Variants in DNAH8 observed in about 807,000 individuals in gnomAD.
The protein encoded by DNAH8 is axonemal beta dynein heavy chain 8.
Under a neutral mutation model 562.1 loss-of-function variants are expected in DNAH8, and 382 were observed. That is an observed-to-expected ratio of 0.68 (90% CI 0.63 to 0.74). The LOEUF is 0.74. DNAH8 is among the 30% of genes least tolerant of loss of function. DNAH8 has a pLI of 0.00. For synonymous variants in DNAH8, 1,881 were observed against 1,919.4 expected (o/e 0.98, Z 0.52); for missense variants, 5,203 against 5,620.4 (o/e 0.93, Z 2.37).
chr6:38,889,982 T>C (rs1254690480), intron 57 of DNAH8, among the ~76,000 whole-genome samples: 1 of 152,132 alleles, frequency 6.6e-6, no homozygotes, highest in African/African-American at 2.4e-5. Flanking sequence ...CTTTCTTCGG[T>C]CTAAATCAAA....
At chr6:38,779,157 A>C (rs1008669833) in intron 14 of DNAH8, among the ~76,000 whole-genome samples, 2 of 152,054 alleles carry the variant, frequency 1.3e-5, no homozygotes, top group African/African-American at 4.8e-5. Context: ...AGGGCTCAAG[A>C]CCTGTGTCAG....
intron 8 of DNAH8, among the ~76,000 whole-genome samples, chr6:38,745,313 T>A (rs1764837649): frequency 6.6e-6 from 1 of 152,210 alleles, no homozygotes; most frequent in African/African-American, 2.4e-5. Flanking sequence ...TTTTCTCCCT[T>A]CATCCATAAA....
At chr6:38,722,577 G>GT (rs1491079737) in intron 1 of DNAH8, among the ~76,000 whole-genome samples, 199 bp from the exon 2 acceptor site, 19,093 of 150,856 alleles carry the variant, frequency 0.13, 1,288 homozygotes, top group Admixed American at 0.22. Context: ...CTCCCAGGTG[G>GT]GTGGGGGTGT....
chr6:39,005,887 A>G (rs1456555592), intron 88 of DNAH8, among the ~76,000 whole-genome samples: 1 of 152,106 alleles, frequency 6.6e-6, no homozygotes, highest in Non-Finnish European at 1.5e-5. Context: ...TTGGTTTTCT[A>G]CGGTTTTACT....
At position 38,928,146 on chromosome 6, in the gene DNAH8, T is replaced by G. The variant is rs373590899; in HGVS notation, c.11119-1365T>G. On this transcript the variant is annotated intron_variant, in intron 74 of 92. Coordinates refer to ENST00000327475, the MANE Select transcript of DNAH8 (RefSeq NM_001206927.2). Reference sequence around the variant, plus strand: ...CCTATCAGGAATTCACTGGTCACCTTGTAAAGACCCAATACCAGTCTTTGC... The same window carrying G: ...CCTATCAGGAATTCACTGGTCACCTGGTAAAGACCCAATACCAGTCTTTGC... 6 of 152,362 alleles carry G rather than the reference T, an allele frequency of 3.9e-5. No homozygotes were observed. In the South Asian group the frequency reaches 1.0e-3, roughly 26 times the overall value. The allele number at this position is 152,362 out of a possible 1,614,324, so 9.4% of individuals were successfully genotyped here. A position where few individuals can be genotyped will look rare whatever the true frequency, so the allele number is the denominator to read the frequency against.
At chr6:38,993,364 A>T (rs1356391526) in intron 88 of DNAH8, among the ~76,000 whole-genome samples, 1 of 150,942 alleles carries the variant, frequency 6.6e-6, no homozygotes, top group East Asian at 1.9e-4. Flanking sequence ...TGGATTAATG[A>T]TTTTTTTTTC....
intron 88 of DNAH8, among the ~76,000 whole-genome samples, chr6:39,004,367 T>A (rs1198072936): frequency 6.6e-6 from 1 of 152,228 alleles, no homozygotes; most frequent in African/African-American, 2.4e-5. Context: ...TATACTATAA[T>A]GCTTATTTAG....
chr6:38,723,695 C>T (rs2127565883), intron 3 of DNAH8, among the ~76,000 whole-genome samples: 1 of 151,962 alleles, frequency 6.6e-6, no homozygotes, highest in Admixed American at 6.6e-5. Flanking sequence ...GGCAACATAG[C>T]AAAACTCCTG....
At chr6:38,898,118 G>A (rs1034110624) in intron 60 of DNAH8, 140 bp from the exon 61 acceptor site, 40 of 751,022 alleles carry the variant, frequency 5.3e-5, no homozygotes, top group Admixed American at 1.9e-4. Context: ...AGACTAATAC[G>A]TGAGAAACCT....
At position 38,781,276 on chromosome 6, in the gene DNAH8, A is replaced by AC. The variant is rs747799823; in HGVS notation, c.2168dup (p.Leu724SerfsTer24). On this transcript the variant is annotated frameshift_variant, in exon 16 of 93. Coordinates refer to ENST00000327475, the MANE Select transcript of DNAH8 (RefSeq NM_001206927.2). LOFTEE classifies it high-confidence loss of function. The stretch of plus-strand genomic sequence containing the variant: ...CAGCTTTATCATTCTCAGAAAGATG[A>AC]CCCCCCTCTTGCTCGCAACATGCCC... 3.1e-6 allele frequency: 5 copies of AC among 1,613,472 alleles called. No individual in the cohort carries two copies. In the South Asian group the frequency reaches 3.3e-5, roughly 11 times the overall value.
At chr6:38,860,706 A>G (rs899123290) in intron 43 of DNAH8, 77 bp downstream of exon 43, 3 of 1,120,528 alleles carry the variant, frequency 2.7e-6, no homozygotes, top group African/African-American at 1.6e-5. Context: ...AATTTGAAAT[A>G]TTAACAAAAG....
chr6:38,863,300 C>T (rs892004916), intron 44 of DNAH8, among the ~76,000 whole-genome samples: 3 of 147,890 alleles, frequency 2.0e-5, no homozygotes, highest in South Asian at 2.2e-4. Flanking sequence ...CATGGTGGTG[C>T]GTGCCTGTAG....
In DNAH8 at chr6:38,770,573, A is replaced by C; in HGVS notation, c.1764+14A>C. The C allele has an allele frequency of 6.3e-7, 1 of 1,581,320 alleles. No homozygotes were observed. The highest frequency in any genetic ancestry group is 8.6e-7 in the Non-Finnish European group (1 of 1,168,226). On this transcript the variant is annotated intron_variant, in intron 12 of 92. Coordinates refer to ENST00000327475, the MANE Select transcript of DNAH8 (RefSeq NM_001206927.2). Reference sequence around the variant, plus strand: ...AGACTGGAGAAGGTAAGCATTATGCAGTCATCGTACCCCACTCCACACCAC... The same window carrying C: ...AGACTGGAGAAGGTAAGCATTATGCCGTCATCGTACCCCACTCCACACCAC...
chr6:38,717,797 TA>T (rs1386396764), intron 1 of DNAH8, among the ~76,000 whole-genome samples: 1 of 152,176 alleles, frequency 6.6e-6, no homozygotes, highest in South Asian at 2.1e-4. Context: ...AAATCTAAAC[TA>T]TTACTGATTA....
intron 16 of DNAH8, 76 bp downstream of exon 16, chr6:38,781,449 TTGTG>T: frequency 6.6e-7 from 1 of 1,517,868 alleles, no homozygotes; most frequent in Non-Finnish European, 8.9e-7. Flanking sequence ...CCTATAATAT[TTGTG>T]TGCATTAAAG....
chr6:39,020,574 G>A (rs1766849982), intron 91 of DNAH8, among the ~76,000 whole-genome samples: 1 of 152,078 alleles, frequency 6.6e-6, no homozygotes, highest in African/African-American at 2.4e-5. Context: ...GTGCAGGTTT[G>A]TTACATAAGT....
At chr6:38,859,804 G>A (rs1776468604) in intron 42 of DNAH8, among the ~76,000 whole-genome samples, 1 of 152,144 alleles carries the variant, frequency 6.6e-6, no homozygotes, top group South Asian at 2.1e-4. Flanking sequence ...CTATAGTGCT[G>A]GTGCAGGGAG....
At chr6:38,727,921 C>T (rs1435041775) in intron 3 of DNAH8, among the ~76,000 whole-genome samples, 6 of 152,104 alleles carry the variant, frequency 3.9e-5, no homozygotes, top group Non-Finnish European at 8.8e-5. Flanking sequence ...AGCTGAGGTC[C>T]AATCCCAGGT....
rs1196337316 is a variant in DNAH8 at position 38,756,046 on chromosome 6, T to C, written c.1482T>C (p.Asn494=). The C allele has an allele frequency of 2.5e-6, 4 of 1,604,438 alleles. No homozygotes were observed. The East Asian group carries it at 8.9e-5, about 36-fold the overall frequency. Reference sequence around the variant, plus strand: ...TTCACGGTGTGTCAAGGTATTATAATACCTCAGAGAGAATGACCTCATTGT... The same window carrying C: ...TTCACGGTGTGTCAAGGTATTATAACACCTCAGAGAGAATGACCTCATTGT... The part of the protein sequence containing the change: ...RMIHGVSRYY[N]TSERMTSLFI... Residue 494 remains asparagine (N), a synonymous_variant, in exon 10 of 93, where the codon AAT becomes AAC. Coordinates refer to ENST00000327475, the MANE Select transcript of DNAH8 (RefSeq NM_001206927.2).
Sources: gnomAD v4.1 joint callset for allele counts (sites outside exome capture counted in the v4.1 genomes callset) on GRCh38, gnomAD v4.1.1 for gene constraint, MANE v1.5 for transcripts, NCBI Gene and HGNC (gene_info 2026-07-23, HGNC 2026-07-21) for gene names.